TIMP2: variants seen among roughly 807,000 people sequenced by gnomAD.
The protein encoded by TIMP2 is TIMP metallopeptidase inhibitor 2.
Under a neutral mutation model 24.3 loss-of-function variants are expected in TIMP2, and 5 were observed. That is an observed-to-expected ratio of 0.21 (90% CI 0.11 to 0.43). TIMP2 has a LOEUF of 0.43. Ranked by LOEUF, TIMP2 falls within the 20% of genes least tolerant of loss-of-function variation. The pLI is 1.00. For synonymous variants in TIMP2, 130 were observed against 123.2 expected (o/e 1.06, Z -0.37); for missense variants, 221 against 297.5 (o/e 0.74, Z 1.89).
chr17:78,857,576 G>A lies in TIMP2; in HGVS notation c.411C>T (p.Ser137=). ...CDFIVPWDTL[S]TTQKKSLNHR... is the part of the protein sequence containing the mutation. ...GGTTCAGGCTCTTCTTCTGGGTGGT[G>A]CTCAGGGTGTCCCAGGGCACGATGA... The change falls in exon 4 of 5, where the codon AGC becomes AGT. Residue 137 remains serine (S), a synonymous_variant. Transcript: ENST00000262768. 1 of 1,614,194 alleles carries A rather than the reference G, an allele frequency of 6.2e-7. No homozygotes were observed. Among genetic ancestry groups the A allele is most frequent in the Non-Finnish European group, 8.5e-7 (1 of 1,180,032 alleles).
intron 3 of TIMP2, among the ~76,000 whole-genome samples, chr17:78,865,547 C>A (rs964541411): frequency 2.0e-5 from 3 of 151,668 alleles, no homozygotes; most frequent in Non-Finnish European, 4.4e-5. Context: ...TCACTTGAAC[C>A]CGGGAGGCAG....
At chr17:78,880,345 G>A in intron 1 of TIMP2, among the ~76,000 whole-genome samples, 1 of 152,088 alleles carries the variant, frequency 6.6e-6, no homozygotes, top group East Asian at 1.9e-4. Context: ...CGGAAAATAA[G>A]AACAAGCCAT....
intron 1 of TIMP2, among the ~76,000 whole-genome samples, chr17:78,881,658 C>A (rs2069781591): frequency 6.6e-6 from 1 of 152,240 alleles, no homozygotes; most frequent in African/African-American, 2.4e-5. Flanking sequence ...TCAAAGAAAC[C>A]ATTTTCTCTC....
Position 78,891,872 on chromosome 17 carries a change from C to T in TIMP2, c.131-17953G>A. 6.4e-7 allele frequency: 1 copy of T among 1,550,674 alleles called. No individual in the cohort carries two copies. The highest frequency in any genetic ancestry group is 8.7e-7 in the Non-Finnish European group (1 of 1,147,010). On this transcript the variant is annotated intron_variant, in intron 1 of 4. Coordinates refer to ENST00000262768, the MANE Select transcript of TIMP2 (RefSeq NM_003255.5). This position sits in a 1 kb window ranked among gnomAD's most constrained non-coding sequence, Gnocchi z 4.5. ...CGGGGCCAGGTGAGAATTCATCCGACCCGTGGCTTTTGTAGTCTGTGGTTT... is the reference window on the plus strand; with the variant it reads ...CGGGGCCAGGTGAGAATTCATCCGATCCGTGGCTTTTGTAGTCTGTGGTTT...
chr17:78,909,579 AC>A (rs961770268), intron 1 of TIMP2, among the ~76,000 whole-genome samples: 1 of 122,028 alleles, frequency 8.2e-6, no homozygotes. Context: ...GTGCAGCTGG[AC>A]CCCCAGCTGC....
chr17:78,893,245 A>G (rs1223220234), intron 1 of TIMP2, among the ~76,000 whole-genome samples: 13 of 68,070 alleles, frequency 1.9e-4, no homozygotes, highest in Admixed American at 2.9e-4. Context: ...ATGTGTGTGT[A>G]GGAGTGTGTG....
intron 1 of TIMP2, chr17:78,900,210 A>T (rs1256651142): frequency 6.6e-6 from 1 of 152,202 alleles, no homozygotes; most frequent in African/African-American, 2.4e-5. Flanking sequence ...TTCCCTGGTC[A>T]TAACTGTCTG....
chr17:78,880,106 C>T (rs992276342), intron 1 of TIMP2, among the ~76,000 whole-genome samples: 1 of 152,068 alleles, frequency 6.6e-6, no homozygotes, highest in African/African-American at 2.4e-5. Context: ...CCAGCATGTG[C>T]CAGGGCCAAG....
chr17:78,888,220 C>T (rs991218498), intron 1 of TIMP2, among the ~76,000 whole-genome samples: 2 of 146,862 alleles, frequency 1.4e-5, no homozygotes, highest in Non-Finnish European at 1.5e-5. Flanking sequence ...AGTGCAGTGG[C>T]GCAATCTTGG....
chr17:78,859,925 G>C (rs752881225), intron 3 of TIMP2, among the ~76,000 whole-genome samples: 2 of 152,188 alleles, frequency 1.3e-5, no homozygotes, highest in Non-Finnish European at 2.9e-5. Context: ...CCAGTGGGCA[G>C]AGGTTACAGC....
chr17:78,907,503 G>C (rs1044334686), intron 1 of TIMP2, among the ~76,000 whole-genome samples: 3 of 152,194 alleles, frequency 2.0e-5, no homozygotes, highest in Admixed American at 6.5e-5. Context: ...TGTGGGCACA[G>C]TTCATGGTGC....
Position 78,891,515 on chromosome 17 carries a change from G to C in TIMP2, c.131-17596C>G, listed in dbSNP as rs527558255. 1 of 1,550,982 alleles carries C rather than the reference G, an allele frequency of 6.4e-7. No homozygotes were observed. Among genetic ancestry groups the C allele is most frequent in the Non-Finnish European group, 8.7e-7 (1 of 1,147,146 alleles). ...CTGCCACTTGTTCTTCTCCCGGAGCGTGCACTGAGATGCTGGGGACACGGC... is the reference window on the plus strand; with the variant it reads ...CTGCCACTTGTTCTTCTCCCGGAGCCTGCACTGAGATGCTGGGGACACGGC... On this transcript the variant is annotated intron_variant, in intron 1 of 4. Transcript: ENST00000262768. The surrounding 1 kb of genome is among the most constrained non-coding windows in gnomAD (Gnocchi z 4.5).
At chr17:78,905,291 G>A (rs1389338743) in intron 1 of TIMP2, among the ~76,000 whole-genome samples, 1 of 152,156 alleles carries the variant, frequency 6.6e-6, no homozygotes, top group East Asian at 1.9e-4. Context: ...CTGCACCAGT[G>A]ACCCTGCTGC....
chr17:78,921,454 G>C (rs73393726), intron 1 of TIMP2, among the ~76,000 whole-genome samples: 2,431 of 152,306 alleles, frequency 0.016, 68 homozygotes, highest in African/African-American at 0.055. Context: ...CATCCAGAGA[G>C]CTCCTGGCTT....
chr17:78,857,612 G>A lies in TIMP2; in HGVS notation c.375C>T (p.Thr125=). ...CCCAGGGCACGATGAAGTCACAGAG[G>A]GTGATGTGCATCTTGCCGTCCCCCT... ...KAEGDGKMHI[T]LCDFIVPWDT... Residue 125 remains threonine, a synonymous_variant, in exon 4 of 5, where the codon ACC becomes ACT. Transcript: ENST00000262768. 6.2e-7 allele frequency: 1 copy of A among 1,614,178 alleles called. No homozygotes were observed. The highest frequency in any genetic ancestry group is 8.5e-7 in the Non-Finnish European group (1 of 1,180,026).
At chr17:78,901,280 T>C (rs531914709) in intron 1 of TIMP2, 1 of 156,900 alleles carries the variant, frequency 6.4e-6, no homozygotes, top group East Asian at 1.9e-4. Flanking sequence ...AATTTGATCA[T>C]GTCACGGGAT....
At position 78,855,883 on chromosome 17, in the gene TIMP2, A is replaced by AG. The variant is rs1351264512; in HGVS notation, c.466-20dup. On this transcript the variant is annotated intron_variant, in intron 4 of 4. Transcript: ENST00000262768. This position sits in a 1 kb window ranked among gnomAD's most constrained non-coding sequence, Gnocchi z 6.0. The stretch of plus-strand genomic sequence containing the variant: ...GCGTGATCTGGGGAGGGGCACACGG[A>AG]GGGGGACGGAGTCAGGGACCCAGGA... 1 of 1,612,814 alleles carries AG rather than the reference A, an allele frequency of 6.2e-7. No individual in the cohort carries two copies. Among genetic ancestry groups the AG allele is most frequent in the South Asian group, 1.1e-5 (1 of 91,042 alleles).
intron 4 of TIMP2, chr17:78,856,261 T>C: frequency 4.7e-6 from 1 of 210,902 alleles, no homozygotes; most frequent in Non-Finnish European, 9.8e-6. Context: ...CATCGGCAAC[T>C]AGCAATTTGG....
At position 78,885,096 on chromosome 17, in the gene TIMP2, G is replaced by A. The variant is rs530906962; in HGVS notation, c.131-11177C>T. On this transcript the variant is annotated intron_variant, in intron 1 of 4. Coordinates refer to ENST00000262768, the MANE Select transcript of TIMP2 (RefSeq NM_003255.5). ...GGCAGAAAGCACAAGCAACGCTGCT[G>A]CTCCCCGTCCAAGCCTCACGGACCA... Among the ~76,000 whole-genome samples, 4 of 152,360 alleles carry A rather than the reference G, an allele frequency of 2.6e-5. No individual in the cohort carries two copies. The South Asian group carries it at 8.3e-4, about 32-fold the overall frequency.
Sources: gnomAD v4.1 joint callset for allele counts (sites outside exome capture counted in the v4.1 genomes callset) on GRCh38, gnomAD v4.1.1 for gene constraint, Gnocchi (gnomAD v3.1) non-coding constraint, MANE v1.5 for transcripts, NCBI Gene and HGNC (gene_info 2026-07-23, HGNC 2026-07-21) for gene names.